Variants in PCNT observed in about 807,000 individuals in gnomAD.
The protein encoded by PCNT is kendrin.
In PCNT, 319 loss-of-function variants were observed where a neutral mutation model predicts 380.4. The observed-to-expected ratio is 0.84, with a 90% CI of 0.77 to 0.92. PCNT has a LOEUF of 0.92. Among genes scored for constraint, PCNT ranks in the 40% least tolerant of loss-of-function variants. PCNT has a pLI of 0.00. For missense variants in PCNT, 4,400 were observed against 4,255.3 expected (o/e 1.03, Z -0.95); for synonymous variants, 1,845 against 1,735.2 (o/e 1.06, Z -1.57).
chr21:46,436,267 T>C lies in PCNT; in HGVS notation c.8996+119T>C, dbSNP rs971812740. ...GCCCCTGCTCCTTTGCACTTAACGC[T>C]CTAGTCCTCTTTCTGAGACTTTGCT... On this transcript the variant is annotated intron_variant, in intron 39 of 46. Transcript: ENST00000359568. 6.1e-6 allele frequency: 7 copies of C among 1,147,486 alleles called. No individual in the cohort carries two copies. The African/African-American group carries it at 7.6e-5, about 12-fold the overall frequency. The allele number at this position is 1,147,486 out of a possible 1,614,324, so 71.1% of individuals were successfully genotyped here.
chr21:46,403,335 T>C lies in PCNT; in HGVS notation c.5115+852T>C, dbSNP rs373927652. Among the ~76,000 whole-genome samples the C allele has an allele frequency of 5.7e-5, 8 of 139,206 alleles. No homozygotes were observed. The East Asian group carries it at 1.5e-3, about 26-fold the overall frequency. The allele number at this position is 139,206 out of a possible 152,430, so 91.3% of individuals were successfully genotyped here. A position where few individuals can be genotyped will look rare whatever the true frequency, so the allele number is the denominator to read the frequency against. ...ACAGCGTGGGAGAATTGTGTGTGTG[T>C]GGTGCCCACGCGGCGCGTGCTCGGT... On this transcript the variant is annotated intron_variant, in intron 27 of 46. Transcript: ENST00000359568.
chr21:46,399,638 G>T lies in PCNT; in HGVS notation c.4633G>T (p.Glu1545Ter). ...KLREKLDEFN[E>*]LAIQKESADR... Reference sequence around the variant, plus strand: ...GAGAGAAAAGTTGGATGAATTTAATGAATTGGCTATACAGAAAGAGTCGGC... The same window carrying T: ...GAGAGAAAAGTTGGATGAATTTAATTAATTGGCTATACAGAAAGAGTCGGC... Residue 1545 changes from glutamate (E) to a stop codon, truncating the protein, a stop_gained, in exon 25 of 47, where the codon GAA becomes TAA. Coordinates refer to ENST00000359568, the MANE Select transcript of PCNT (RefSeq NM_006031.6). LOFTEE classifies it high-confidence loss of function. 1 of 1,613,962 alleles carries T rather than the reference G, an allele frequency of 6.2e-7. No homozygotes were observed. The highest frequency in any genetic ancestry group is 8.5e-7 in the Non-Finnish European group (1 of 1,179,830).
At chr21:46,372,228 A>T (rs1365567923) in intron 15 of PCNT, among the ~76,000 whole-genome samples, 1 of 151,660 alleles carries the variant, frequency 6.6e-6, no homozygotes, top group Non-Finnish European at 1.5e-5. Context: ...GCACATGTGC[A>T]CACACAGCAC....
rs147988643 is a variant in PCNT, at chr21:46,443,373, C to T, written c.9701-437C>T. On this transcript the variant is annotated intron_variant, in intron 44 of 46. Coordinates refer to ENST00000359568, the MANE Select transcript of PCNT (RefSeq NM_006031.6). ...CCTGGGACTGTGGGCATGAGCACTG[C>T]GCCTGGCAGCTGTATCAGTGTTGAC... is the stretch of plus-strand genomic sequence containing the variant. Among the ~76,000 whole-genome samples the T allele has an allele frequency of 2.2e-3, 339 of 152,318 alleles. 1 individual carries two copies. The highest frequency in any genetic ancestry group is 7.7e-3 in the African/African-American group (319 of 41,566).
rs1569314458 is a variant in PCNT at position 46,442,585 on chromosome 21, G to A, written c.9700+12G>A. ...AGCCCCTCGCCCAGGTGGGACTCCA[G>A]CTGCTGTTGACCGCTGGACTCACAA... On this transcript the variant is annotated intron_variant, in intron 44 of 46. Transcript: ENST00000359568. The A allele has an allele frequency of 1.9e-6, 3 of 1,553,590 alleles. No homozygotes were observed. In the Admixed American group the frequency reaches 5.0e-5, roughly 26 times the overall value.
At position 46,334,496 on chromosome 21, in the gene PCNT, A is replaced by G. The variant is rs57603484; in HGVS notation, c.367A>G (p.Ser123Gly). 8 of 1,612,716 alleles carry G rather than the reference A, an allele frequency of 5.0e-6. No individual in the cohort carries two copies. Among genetic ancestry groups the G allele is most frequent in the African/African-American group, 2.7e-5 (2 of 74,960 alleles). ...PPEQCGMFTV[S>G]DHPPEQHGMF... is the part of the protein sequence containing the mutation. Reference sequence around the variant, plus strand: ...AGAGCAGTGTGGGATGTTCACAGTCAGTGACCACCCACCAGAACAGCATGG... The same window carrying G: ...AGAGCAGTGTGGGATGTTCACAGTCGGTGACCACCCACCAGAACAGCATGG... Residue 123 changes from serine (S) to glycine (G), a missense_variant, in exon 3 of 47, where the codon AGT becomes GGT. Transcript: ENST00000359568.
At chr21:46,393,103 C>A (rs916316208) in intron 21 of PCNT, among the ~76,000 whole-genome samples, 1 of 152,152 alleles carries the variant, frequency 6.6e-6, no homozygotes, top group Non-Finnish European at 1.5e-5. Flanking sequence ...TGCTGCCGGG[C>A]TCAGGGCGGC....
In PCNT at chr21:46,330,918, A is replaced by G. The variant is rs541948481; in HGVS notation, c.268-3479A>G. ...TTATAGTTGTACCAGTGCTTTAAAC[A>G]TAATGAAAGGTGCATTTGTTTTATT... is the stretch of plus-strand genomic sequence containing the variant. On this transcript the variant is annotated intron_variant, in intron 2 of 46. Transcript: ENST00000359568. Among the ~76,000 whole-genome samples, 8 of 152,336 alleles carry G rather than the reference A, an allele frequency of 5.3e-5. No homozygotes were observed. In the East Asian group the frequency reaches 1.3e-3, roughly 26 times the overall value.
intron 3 of PCNT, among the ~76,000 whole-genome samples, chr21:46,342,174 T>C (rs1377236729): frequency 1.3e-5 from 2 of 151,998 alleles, no homozygotes; most frequent in Non-Finnish European, 2.9e-5. Context: ...TGGTGCAATC[T>C]TGGCTCACTG....
At chr21:46,370,195 C>G (rs1430834530) in intron 15 of PCNT, among the ~76,000 whole-genome samples, 1 of 151,462 alleles carries the variant, frequency 6.6e-6, no homozygotes, top group Non-Finnish European at 1.5e-5. Flanking sequence ...GTGCACCTGG[C>G]CAGCGAGGCA....
At position 46,404,111 on chromosome 21, in the gene PCNT, G is replaced by A. The variant is rs192020578; in HGVS notation, c.5115+1628G>A. Among the ~76,000 whole-genome samples, 91 of 125,328 alleles carry A rather than the reference G, an allele frequency of 7.3e-4. 5 individuals carry two copies. In the East Asian group the frequency reaches 0.017, roughly 24 times the overall value. 82.2% of individuals were successfully genotyped at this position (125,328 alleles called of 152,430 possible). On this transcript the variant is annotated intron_variant, in intron 27 of 46. Transcript: ENST00000359568. ...TGTGGTGCCCACGCGGCGCGTGCTC[G>A]GTGAATGAACATAGCGTGGGAGAAT...
chr21:46,367,153 G>T lies in PCNT; in HGVS notation c.3165+14G>T. On this transcript the variant is annotated intron_variant, in intron 15 of 46. Transcript: ENST00000359568. ...GGAGTGCACCAGGTAAGGCGCCAGG[G>T]CCCTGCCCCAGCCCAGGGCAGGCCT... is the stretch of plus-strand genomic sequence containing the variant. 11 of 1,608,708 alleles carry T rather than the reference G, an allele frequency of 6.8e-6. No homozygotes were observed. Among genetic ancestry groups the T allele is most frequent in the Non-Finnish European group, 9.3e-6 (11 of 1,178,912 alleles).
At position 46,366,751 on chromosome 21, in the gene PCNT, C is replaced by T. The variant is rs754560582; in HGVS notation, c.2777C>T (p.Ala926Val). Residue 926 changes from alanine (A) to valine (V), a missense_variant, in exon 15 of 47, where the codon GCG becomes GTG. Ala to Val is a moderately conservative substitution (Grantham distance 64). Coordinates refer to ENST00000359568, the MANE Select transcript of PCNT (RefSeq NM_006031.6). ...TAELEARHQA[A>V]LGELTASLES... ...GAGCTCGAGGCCAGACACCAGGCCG[C>T]GTTGGGCGAGCTGACAGCCTCCTTA... The T allele has an allele frequency of 3.7e-6, 6 of 1,613,572 alleles. No individual in the cohort carries two copies. In the South Asian group the frequency reaches 4.4e-5, roughly 12 times the overall value.
rs1310667474 is a variant in PCNT, at chr21:46,326,513, G to C, written c.191G>C (p.Cys64Ser). 6.2e-7 allele frequency: 1 copy of C among 1,614,194 alleles called. No homozygotes were observed. Among genetic ancestry groups the C allele is most frequent in the South Asian group, 1.1e-5 (1 of 91,090 alleles). Residue 64 changes from cysteine (C) to serine (S), a missense_variant, in exon 2 of 47, where the codon TGT (cysteine) becomes TCT (serine). Physicochemically the swap from Cys to Ser is moderately radical, Grantham distance 112. Transcript: ENST00000359568. ...SPVTKEDSAL[C>S]GGGDICKSTS... is the part of the protein sequence containing the mutation. ...GTAACCAAGGAGGACAGCGCACTCT[G>C]TGGAGGAGGGGACATTTGCAAAAGC...
At chr21:46,386,100 G>C (rs1424263842) in intron 17 of PCNT, 117 bp downstream of exon 17, 1 of 1,217,590 alleles carries the variant, frequency 8.2e-7, no homozygotes, top group Non-Finnish European at 1.2e-6. Context: ...ATGCACGCTG[G>C]CTCCTGGTGG....
At chr21:46,444,136 G>A (rs898091559) in intron 45 of PCNT, among the ~76,000 whole-genome samples, 188 bp downstream of exon 45, 6 of 152,242 alleles carry the variant, frequency 3.9e-5, no homozygotes, top group Admixed American at 2.6e-4. Context: ...GGCTTTTCTG[G>A]TGTCTCTGGT....
intron 16 of PCNT, among the ~76,000 whole-genome samples, chr21:46,383,139 GTGT>G (rs2085648093): frequency 6.8e-6 from 1 of 147,120 alleles, no homozygotes; most frequent in Non-Finnish European, 1.5e-5. Flanking sequence ...CCCATTCACG[GTGT>G]TGTGCATTCA....
In PCNT at chr21:46,397,500, A is replaced by C. The variant is rs773164137; in HGVS notation, c.4446+6A>C. ...ACCAGCGGCAATTCATGGATGTAAG[A>C]ATTCTGAATAATACATTTTTTTGCA... On this transcript the variant is annotated splice_donor_region_variant and intron_variant, in intron 22 of 46. Coordinates refer to ENST00000359568, the MANE Select transcript of PCNT (RefSeq NM_006031.6). The C allele has an allele frequency of 6.2e-7, 1 of 1,605,878 alleles. No homozygotes were observed. Among genetic ancestry groups the C allele is most frequent in the Non-Finnish European group, 8.5e-7 (1 of 1,172,852 alleles).
At chr21:46,357,334 C>G in intron 13 of PCNT, 143 bp downstream of exon 13, 1 of 716,182 alleles carries the variant, frequency 1.4e-6, no homozygotes, top group Non-Finnish European at 2.5e-6. Context: ...GCGACAGTCC[C>G]GTAAATTCTT....
Sources: allele counts gnomAD v4.1 joint callset (sites outside exome capture counted in the v4.1 genomes callset), GRCh38; gene constraint gnomAD v4.1.1; transcripts MANE v1.5; gene names NCBI Gene and HGNC (gene_info 2026-07-23, HGNC 2026-07-21).